The following NR6A1 variants were observed in gnomAD, a reference collection of about 807,000 sequenced individuals.
NR6A1 encodes nuclear receptor subfamily 6 group A member 1, also known as retinoic acid receptor-related testis-associated receptor.
A neutral mutation model predicts 59.1 loss-of-function variants in NR6A1; 7 were observed. The ratio of observed to expected loss-of-function variants is 0.12; its 90% CI spans 0.07 to 0.22. The LOEUF (loss-of-function observed/expected upper bound fraction) is 0.22, where lower values mean the gene tolerates loss of function less well. Ranked by LOEUF, NR6A1 falls within the 10% of genes least tolerant of loss-of-function variation. NR6A1 has a pLI of 1.00. For synonymous variants in NR6A1, 243 were observed against 236.1 expected, an observed-to-expected ratio of 1.03 and a Z score of -0.27; for missense variants, 468 against 611.6, an observed-to-expected ratio of 0.77 and a Z score of 2.48.
chr9:124,714,971 G>A (rs1317351859), intron 2 of NR6A1, among the ~76,000 whole-genome samples: 1 of 151,714 alleles, frequency 6.6e-6, no homozygotes, highest in Non-Finnish European at 1.5e-5. Context: ...AGGCCGAGGC[G>A]GGCAGTTCAC....
chr9:124,585,558 AGG>A lies in NR6A1; in HGVS notation c.143-30990_143-30989del, dbSNP rs1159676111. 4.8e-3 allele frequency among the ~76,000 whole-genome samples: 132 copies of A among 27,630 alleles called. 1 individual carries two copies. Among genetic ancestry groups the A allele is most frequent in the African/African-American group, 0.023 (110 of 4,770 alleles). The allele number at this position is 27,630 out of a possible 152,430, so 18.1% of individuals were successfully genotyped here. A position where few individuals can be genotyped will look rare whatever the true frequency, so the allele number is the denominator to read the frequency against. On this transcript the variant is annotated intron_variant, in intron 2 of 9. Coordinates refer to ENST00000487099, the MANE Select transcript of NR6A1 (RefSeq NM_033334.4). ...GACTCCATCTCAAAAAAAAAAAAAAAGGGGGGGGGGGGCAAGGTGAAGCAGCA... is the reference window on the plus strand; with the variant it reads ...GACTCCATCTCAAAAAAAAAAAAAAAGGGGGGGGGGCAAGGTGAAGCAGCA...
intron 7 of NR6A1, among the ~76,000 whole-genome samples, chr9:124,527,330 C>G (rs756114142): frequency 6.6e-6 from 1 of 152,176 alleles, no homozygotes; most frequent in Non-Finnish European, 1.5e-5. Context: ...TGGCAGCTGC[C>G]ATGGTGACTC....
chr9:124,713,929 C>T (rs1839349577), intron 2 of NR6A1, among the ~76,000 whole-genome samples: 1 of 152,184 alleles, frequency 6.6e-6, no homozygotes, highest in Admixed American at 6.5e-5. Flanking sequence ...TGAAGAGAGA[C>T]ATCCATGTAT....
intron 3 of NR6A1, among the ~76,000 whole-genome samples, chr9:124,552,523 C>A (rs561178338): frequency 6.6e-6 from 1 of 152,262 alleles, no homozygotes; most frequent in African/African-American, 2.4e-5. Flanking sequence ...CAGGGCATTC[C>A]AACATGTAAA....
intron 2 of NR6A1, among the ~76,000 whole-genome samples, chr9:124,718,801 ACCT>A: frequency 1.0e-5 from 1 of 96,586 alleles, no homozygotes; most frequent in Middle Eastern, 6.0e-3. Context: ...TTAAATTGTT[ACCT>A]TTTTTTTTTT....
At chr9:124,722,756 C>G (rs1476144207) in intron 2 of NR6A1, among the ~76,000 whole-genome samples, 1 of 152,146 alleles carries the variant, frequency 6.6e-6, no homozygotes, top group African/African-American at 2.4e-5. Flanking sequence ...TCACTCCCGA[C>G]ACCCAGGCTA....
chr9:124,520,583 A>G lies in NR6A1; in HGVS notation c.*2122T>C, dbSNP rs1258131491. 1.3e-5 allele frequency: 2 copies of G among 152,242 alleles called. No individual in the cohort carries two copies. The highest frequency in any genetic ancestry group is 4.8e-5 in the African/African-American group (2 of 41,468). The allele number at this position is 152,242 out of a possible 1,614,324, so 9.4% of individuals were successfully genotyped here. A position where few individuals can be genotyped will look rare whatever the true frequency, so the allele number is the denominator to read the frequency against. On this transcript the variant is annotated 3_prime_UTR_variant, in exon 10 of 10. Transcript: ENST00000487099. ...AATTTGAAAAGCAATTTCAAAAATA[A>G]TAATTGGACAGATAGAGGCCTCAGC...
At chr9:124,692,106 G>A (rs748300301) in intron 2 of NR6A1, among the ~76,000 whole-genome samples, 2 of 152,150 alleles carry the variant, frequency 1.3e-5, no homozygotes, top group Non-Finnish European at 2.9e-5. Flanking sequence ...AGAATTTAAT[G>A]AGATAAAATA....
At chr9:124,528,937 T>C (rs555928170) in intron 7 of NR6A1, among the ~76,000 whole-genome samples, 1 of 152,330 alleles carries the variant, frequency 6.6e-6, no homozygotes, top group Admixed American at 6.5e-5. Flanking sequence ...TATGAAGGAC[T>C]TGAACATCTG....
intron 2 of NR6A1, among the ~76,000 whole-genome samples, chr9:124,660,519 C>A (rs972413532): frequency 1.3e-5 from 2 of 152,080 alleles, no homozygotes; most frequent in Non-Finnish European, 2.9e-5. Flanking sequence ...ATTCGCCCCA[C>A]TGGACAATAG....
chr9:124,767,513 G>GAAAAAAAAAAAAA (rs951834728), intron 1 of NR6A1, among the ~76,000 whole-genome samples: 7 of 76,452 alleles, frequency 9.2e-5, no homozygotes, highest in Admixed American at 1.5e-4. Context: ...TACAAAAAAA[G>GAAAAAAAAAAAAA]AAAAAAAAAA....
At chr9:124,708,280 G>A (rs141288437) in intron 2 of NR6A1, among the ~76,000 whole-genome samples, 3 of 152,234 alleles carry the variant, frequency 2.0e-5, no homozygotes, top group Non-Finnish European at 2.9e-5. Flanking sequence ...GGTTTTCACC[G>A]CCAGCCCCAC....
chr9:124,599,683 G>A, intron 2 of NR6A1: 2 of 870,086 alleles, frequency 2.3e-6, no homozygotes, highest in Non-Finnish European at 3.0e-6. Flanking sequence ...TGGCCATGAA[G>A]TCCAAATTAT....
At chr9:124,741,002 A>G (rs952602821) in intron 1 of NR6A1, among the ~76,000 whole-genome samples, 1 of 152,234 alleles carries the variant, frequency 6.6e-6, no homozygotes, top group African/African-American at 2.4e-5. Context: ...ACAAATTTCA[A>G]GAGAACAATT....
intron 2 of NR6A1, among the ~76,000 whole-genome samples, chr9:124,646,631 CCTAACACTAACA>C (rs922718229): frequency 6.6e-6 from 1 of 152,078 alleles, no homozygotes; most frequent in Non-Finnish European, 1.5e-5. Flanking sequence ...ACATAAAATA[CCTAACACTAACA>C]CTAACACTAA....
intron 2 of NR6A1, among the ~76,000 whole-genome samples, chr9:124,667,234 T>C (rs903642247): frequency 1.3e-5 from 2 of 152,024 alleles, no homozygotes; most frequent in African/African-American, 2.4e-5. Context: ...GGTTTCGCCA[T>C]CTTGGCCAGG....
chr9:124,598,948 G>T lies in NR6A1; in HGVS notation c.143-44378C>A. ...ACTCGTCGTTCCAGACTCAGGCATG[G>T]TCATTACCCACGTTGGGTTTCAGCT... On this transcript the variant is annotated intron_variant, in intron 2 of 9. Transcript: ENST00000487099. 4 of 708,518 alleles carry T rather than the reference G, an allele frequency of 5.6e-6. No homozygotes were observed. The South Asian group carries it at 5.8e-5, about 10-fold the overall frequency. The allele number at this position is 708,518 out of a possible 1,614,324, so 43.9% of individuals were successfully genotyped here.
chr9:124,719,264 T>G (rs1256949477), intron 2 of NR6A1, among the ~76,000 whole-genome samples: 2 of 151,914 alleles, frequency 1.3e-5, no homozygotes, highest in Non-Finnish European at 2.9e-5. Flanking sequence ...TTTTTGTATA[T>G]TTTGTAGAGA....
At chr9:124,717,331 C>A (rs1422319910) in intron 2 of NR6A1, among the ~76,000 whole-genome samples, 1 of 152,144 alleles carries the variant, frequency 6.6e-6, no homozygotes, top group Admixed American at 6.5e-5. Flanking sequence ...AAATTAGAAG[C>A]AGCCCAGGTA....
Sources: gnomAD v4.1 joint callset for allele counts (sites outside exome capture counted in the v4.1 genomes callset) on GRCh38, gnomAD v4.1.1 for gene constraint, MANE v1.5 for transcripts, NCBI Gene and HGNC (gene_info 2026-07-23, HGNC 2026-07-21) for gene names.